VLDLR: variants seen among roughly 807,000 people sequenced by gnomAD.
VLDLR encodes the protein very low-density lipoprotein receptor.
VLDLR carries 81 observed loss-of-function variants against 112.7 expected under a neutral mutation model. That is an observed-to-expected ratio of 0.72 (90% CI 0.60 to 0.86). VLDLR has a LOEUF of 0.86. VLDLR is among the 40% of genes least tolerant of loss of function. The pLI, the probability that VLDLR is intolerant of heterozygous loss-of-function variation, is 0.00. For synonymous variants in VLDLR, 436 were observed against 384.8 expected (o/e 1.13, Z -1.56); for missense variants, 1,237 against 1,099.4 (o/e 1.13, Z -1.77).
intron 2 of VLDLR, among the ~76,000 whole-genome samples, chr9:2,639,478 G>C (rs918965915): frequency 1.2e-4 from 19 of 152,222 alleles, no homozygotes; most frequent in Non-Finnish European, 2.5e-4. Flanking sequence ...GATCCAGTCA[G>C]AAGATGGAAT....
chr9:2,639,758 T>C (rs971679769), intron 2 of VLDLR, 101 bp from the exon 3 acceptor site: 3 of 1,596,600 alleles, frequency 1.9e-6, no homozygotes, highest in South Asian at 2.2e-5. Flanking sequence ...CTCAGCTTTT[T>C]TTTAGAGCAA....
Position 2,659,449 on chromosome 9 carries a change from G to T in VLDLR, c.*5581G>T, listed in dbSNP as rs1818724413. 1 of 152,214 alleles carries T rather than the reference G, an allele frequency of 6.6e-6. No individual in the cohort carries two copies. The highest frequency in any genetic ancestry group is 2.4e-5 in the African/African-American group (1 of 41,456). 9.4% of individuals were successfully genotyped at this position (152,214 alleles called of 1,614,324 possible). A position where few individuals can be genotyped will look rare whatever the true frequency, so the allele number is the denominator to read the frequency against. ...TCAGCACAGATTAACTCAGTTACGT[G>T]TTATACCTTCAAGACGCTAGACATT... On this transcript the variant is annotated 3_prime_UTR_variant, in exon 19 of 19. Transcript: ENST00000382100.
chr9:2,645,503 G>A, intron 9 of VLDLR, 71 bp from the exon 10 acceptor site: 1 of 1,543,616 alleles, frequency 6.5e-7, no homozygotes, highest in South Asian at 1.1e-5. Context: ...CTCCTCTGCT[G>A]GGAGGAGGTG....
chr9:2,653,887 A>G lies in VLDLR; in HGVS notation c.*19A>G. On this transcript the variant is annotated 3_prime_UTR_variant, in exon 19 of 19. Transcript: ENST00000382100. ...AGCTTGACTTCTGTGACAAATGTTGACCTTTGAGGTCTAAACAAATAATAC... is the reference window on the plus strand; with the variant it reads ...AGCTTGACTTCTGTGACAAATGTTGGCCTTTGAGGTCTAAACAAATAATAC... 1 of 1,613,746 alleles carries G rather than the reference A, an allele frequency of 6.2e-7. No homozygotes were observed. The highest frequency in any genetic ancestry group is 1.3e-5 in the African/African-American group (1 of 75,012).
intron 15 of VLDLR, 70 bp downstream of exon 15, chr9:2,650,586 T>C (rs1031554792): frequency 6.9e-6 from 11 of 1,591,442 alleles, no homozygotes; most frequent in Non-Finnish European, 9.4e-6. Flanking sequence ...CAAGCTTGGA[T>C]TTTTAAGAAT....
chr9:2,651,228 C>A (rs927168521), intron 15 of VLDLR, among the ~76,000 whole-genome samples, 187 bp from the exon 16 acceptor site: 1 of 152,178 alleles, frequency 6.6e-6, no homozygotes, highest in African/African-American at 2.4e-5. Flanking sequence ...CCCAAAGTTT[C>A]ATGTATCTCT....
intron 1 of VLDLR, among the ~76,000 whole-genome samples, chr9:2,624,377 C>T (rs913625388): frequency 6.6e-6 from 1 of 152,214 alleles, no homozygotes; most frequent in Non-Finnish European, 1.5e-5. Flanking sequence ...ACACATACCC[C>T]TTCTGTCCAC....
chr9:2,643,037 C>G (rs973973596), intron 4 of VLDLR, 123 bp from the exon 5 acceptor site: 24 of 1,443,136 alleles, frequency 1.7e-5, no homozygotes, highest in Non-Finnish European at 2.3e-5. Flanking sequence ...TCCATTGTAG[C>G]CTTTAAGTTG....
Position 2,659,071 on chromosome 9 carries a change from C to T in VLDLR, c.*5203C>T, listed in dbSNP as rs986314209. 4 of 152,170 alleles carry T rather than the reference C, an allele frequency of 2.6e-5. No individual in the cohort carries two copies. The highest frequency in any genetic ancestry group is 9.7e-5 in the African/African-American group (4 of 41,432). The allele number at this position is 152,170 out of a possible 1,614,324, so 9.4% of individuals were successfully genotyped here. ...CATAGTCTTTAGATGGCTGCCAAAG[C>T]ACTTAAAATCTCCTTTAAATTCTTA... On this transcript the variant is annotated 3_prime_UTR_variant, in exon 19 of 19. Coordinates refer to ENST00000382100, the MANE Select transcript of VLDLR (RefSeq NM_003383.5).
At chr9:2,639,293 C>T (rs563895097) in intron 2 of VLDLR, among the ~76,000 whole-genome samples, 9 of 152,304 alleles carry the variant, frequency 5.9e-5, no homozygotes, top group Admixed American at 3.3e-4. Flanking sequence ...AGAGAGTAAG[C>T]GCTCTGGTTT....
At chr9:2,642,980 C>T (rs7039616) in intron 4 of VLDLR, among the ~76,000 whole-genome samples, 180 bp from the exon 5 acceptor site, 1 of 151,952 alleles carries the variant, frequency 6.6e-6, no homozygotes, top group Admixed American at 6.6e-5. Context: ...TTATTGTGTG[C>T]CTTCATTTTT....
chr9:2,635,861 C>T (rs1476578097), intron 2 of VLDLR, among the ~76,000 whole-genome samples: 11 of 152,226 alleles, frequency 7.2e-5, no homozygotes, highest in South Asian at 6.2e-4. Context: ...GAAATAGAGA[C>T]AAACAGAAGA....
At chr9:2,651,798 G>T in intron 16 of VLDLR, 76 bp from the exon 17 acceptor site, 1 of 1,519,532 alleles carries the variant, frequency 6.6e-7, no homozygotes, top group East Asian at 2.3e-5. Flanking sequence ...CAAAGGTTTT[G>T]GCTCCTTACC....
chr9:2,625,469 C>T (rs551900698), intron 1 of VLDLR, among the ~76,000 whole-genome samples: 1 of 152,288 alleles, frequency 6.6e-6, no homozygotes, highest in South Asian at 2.1e-4. Flanking sequence ...AAGGCAGTTG[C>T]CTACGTGACT....
At chr9:2,641,536 C>A (rs774660608) in intron 4 of VLDLR, 37 bp downstream of exon 4, 1 of 1,613,234 alleles carries the variant, frequency 6.2e-7, no homozygotes, top group Non-Finnish European at 8.5e-7. Flanking sequence ...AACCCAAAGA[C>A]CCTTTTCCTA....
At chr9:2,625,354 C>G (rs960019154) in intron 1 of VLDLR, among the ~76,000 whole-genome samples, 32 of 152,224 alleles carry the variant, frequency 2.1e-4, no homozygotes, top group Admixed American at 2.0e-4. Flanking sequence ...AGACTTGGCA[C>G]ACAGCATAGA....
At chr9:2,625,063 A>ATTT (rs2130757166) in intron 1 of VLDLR, among the ~76,000 whole-genome samples, 1 of 152,352 alleles carries the variant, frequency 6.6e-6, no homozygotes, top group Admixed American at 6.5e-5. Context: ...ATTTAACACT[A>ATTT]AACATTGCTA....
intron 2 of VLDLR, among the ~76,000 whole-genome samples, chr9:2,636,006 C>G (rs746408956): frequency 9.2e-5 from 14 of 152,260 alleles, no homozygotes; most frequent in Non-Finnish European, 1.6e-4. Flanking sequence ...AAACTACAAG[C>G]CAGCACAGAT....
intron 4 of VLDLR, among the ~76,000 whole-genome samples, 165 bp downstream of exon 4, chr9:2,641,664 T>C (rs1817830937): frequency 6.6e-6 from 1 of 152,322 alleles, no homozygotes; most frequent in Non-Finnish European, 1.5e-5. Flanking sequence ...CCTAAAACCC[T>C]AAAAGACATT....
Sources: gnomAD v4.1 joint callset for allele counts (sites outside exome capture counted in the v4.1 genomes callset) on GRCh38, gnomAD v4.1.1 for gene constraint, MANE v1.5 for transcripts, NCBI Gene and HGNC (gene_info 2026-07-23, HGNC 2026-07-21) for gene names.